The following C11orf65 variants were observed in gnomAD, a reference collection of about 807,000 sequenced individuals.
C11orf65 encodes chromosome 11 open reading frame 65.
C11orf65 carries 38 observed loss-of-function variants against 35.3 expected under a neutral mutation model. The ratio of observed to expected loss-of-function variants is 1.08; its 90% confidence interval spans 0.83 to 1.41. C11orf65 has a LOEUF of 1.41. Ranked by LOEUF, C11orf65 falls within the 40% of genes most tolerant of loss-of-function variation. C11orf65 has a pLI of 0.00. For missense variants in C11orf65, 370 were observed against 367.1 expected (o/e 1.01, Z -0.06); for synonymous variants, 105 against 114.4 (o/e 0.92, Z 0.53).
At chr11:108,401,065 C>T (rs562034777) in intron 6 of C11orf65, among the ~76,000 whole-genome samples, 1 of 151,724 alleles carries the variant, frequency 6.6e-6, no homozygotes, top group Admixed American at 6.6e-5. Flanking sequence ...GCCGAGATTG[C>T]GCCACTGCAC....
intron 2 of C11orf65, among the ~76,000 whole-genome samples, chr11:108,359,408 A>G (rs2137581171): frequency 6.6e-6 from 1 of 152,272 alleles, no homozygotes; most frequent in East Asian, 1.9e-4. Flanking sequence ...GTCAACAAGG[A>G]TACCCAGGAA....
intron 1 of C11orf65, among the ~76,000 whole-genome samples, chr11:108,466,861 G>A (rs1320809893): frequency 6.6e-6 from 1 of 152,146 alleles, no homozygotes; most frequent in Non-Finnish European, 1.5e-5. Context: ...ACCTGTATAC[G>A]TCCTATTTTG....
intron 3 of C11orf65, among the ~76,000 whole-genome samples, chr11:108,413,523 C>A (rs908228877): frequency 6.6e-6 from 1 of 152,198 alleles, no homozygotes; most frequent in Non-Finnish European, 1.5e-5. Flanking sequence ...TTATTTCTTT[C>A]TCTTGCCTGA....
chr11:108,361,993 C>T (rs1362718289), intron 2 of C11orf65, among the ~76,000 whole-genome samples: 1 of 132,596 alleles, frequency 7.5e-6, no homozygotes, highest in African/African-American at 2.8e-5. Context: ...AAAGAAACTA[C>T]CATCAGAGTG....
intron 2 of C11orf65, among the ~76,000 whole-genome samples, chr11:108,457,047 G>A (rs2093418348): frequency 6.6e-6 from 1 of 152,072 alleles, no homozygotes; most frequent in Non-Finnish European, 1.5e-5. Flanking sequence ...AAAGAAAAGG[G>A]TAGGGATACT....
At chr11:108,456,224 T>C (rs1401599936) in intron 2 of C11orf65, among the ~76,000 whole-genome samples, 2 of 152,094 alleles carry the variant, frequency 1.3e-5, no homozygotes, top group Non-Finnish European at 2.9e-5. Flanking sequence ...ACTTTACATA[T>C]ATGATTACAT....
intron 2 of C11orf65, among the ~76,000 whole-genome samples, chr11:108,373,278 G>T (rs1326682132): frequency 6.6e-6 from 1 of 152,114 alleles, no homozygotes; most frequent in African/African-American, 2.4e-5. Flanking sequence ...TGCAGAAAAA[G>T]CTTGTGAGAA....
chr11:108,393,122 C>T (rs1327816414), intron 7 of C11orf65, 86 bp downstream of exon 7: 15 of 1,384,614 alleles, frequency 1.1e-5, no homozygotes, highest in Non-Finnish European at 1.3e-5. Context: ...TGTTTGTGGC[C>T]CCAAGATTCA....
intron 2 of C11orf65, among the ~76,000 whole-genome samples, chr11:108,449,855 C>CA (rs1031217908): frequency 2.0e-5 from 3 of 151,674 alleles, no homozygotes; most frequent in African/African-American, 7.3e-5. Flanking sequence ...AGGCGACCTA[C>CA]AAAATGGGAG....
rs567671890 is a variant in C11orf65, at chr11:108,372,428, A to C, written c.226+20780T>G. The stretch of plus-strand genomic sequence containing the variant: ...AGGCTGGTCTCAAACTCCTGACCTC[A>C]GTGATATGCCCGCCTCAGCACCCCA... On this transcript the variant is annotated intron_variant, in intron 2 of 3. Coordinates refer to the C11orf65 transcript ENST00000524755. Among the ~76,000 whole-genome samples the C allele has an allele frequency of 1.7e-3, 258 of 152,326 alleles. 3 individuals carry two copies. Among genetic ancestry groups the C allele is most frequent in the Non-Finnish European group, 3.1e-3 (212 of 68,022 alleles).
chr11:108,347,458 G>C (rs759606997), intron 2 of C11orf65: 50 of 1,093,324 alleles, frequency 4.6e-5, no homozygotes, highest in Non-Finnish European at 5.3e-5. Flanking sequence ...AAATATAAGA[G>C]ACAGATAAAT....
chr11:108,404,963 C>T (rs377282001), intron 6 of C11orf65, among the ~76,000 whole-genome samples: 9 of 152,084 alleles, frequency 5.9e-5, no homozygotes, highest in African/African-American at 1.2e-4. Context: ...CAGACCGGGC[C>T]GAAGGCGGCC....
chr11:108,347,213 T>G, intron 2 of C11orf65: 1 of 1,226,840 alleles, frequency 8.2e-7, no homozygotes, highest in Non-Finnish European at 1.2e-6. Context: ...TTAATTGAAA[T>G]TATGGCTATA....
At chr11:108,375,194 C>A (rs2091689291) in intron 2 of C11orf65, among the ~76,000 whole-genome samples, 1 of 151,454 alleles carries the variant, frequency 6.6e-6, no homozygotes, top group African/African-American at 2.4e-5. Flanking sequence ...GTCAGATTCA[C>A]CAAAGTTGAA....
chr11:108,443,123 G>T (rs780875934), intron 2 of C11orf65, among the ~76,000 whole-genome samples: 9 of 152,090 alleles, frequency 5.9e-5, no homozygotes, highest in Admixed American at 2.0e-4. Flanking sequence ...GATGGAGGAA[G>T]ATCTAACAAG....
chr11:108,352,577 C>A (rs1178337640), intron 2 of C11orf65, among the ~76,000 whole-genome samples: 1 of 152,148 alleles, frequency 6.6e-6, no homozygotes, highest in Non-Finnish European at 1.5e-5. Flanking sequence ...AACTTAACAA[C>A]AAAATCTACT....
chr11:108,339,101 G>A lies in C11orf65; in HGVS notation c.227-3809C>T, dbSNP rs548821892. Among the ~76,000 whole-genome samples the A allele has an allele frequency of 2.0e-5, 3 of 152,280 alleles. No homozygotes were observed. The South Asian group carries it at 6.2e-4, about 32-fold the overall frequency. ...TTGTCAGAGAGAATCAGATGGAAAT[G>A]AAGACAGTTCTTATTGTGTATGTTG... On this transcript the variant is annotated intron_variant, in intron 2 of 3. Transcript: ENST00000524755.
downstream of C11orf65, chr11:108,330,547 T>C: frequency 1.1e-6 from 1 of 925,194 alleles, no homozygotes; most frequent in South Asian, 1.4e-5. Flanking sequence ...TACACATAAG[T>C]AGCATTTTGT....
chr11:108,412,100 A>C lies in C11orf65; in HGVS notation c.175-4951T>G, dbSNP rs113571877. Among the ~76,000 whole-genome samples the C allele has an allele frequency of 4.6e-5, 7 of 152,216 alleles. 1 individual carries two copies. The highest frequency in any genetic ancestry group is 1.7e-4 in the African/African-American group (7 of 41,556). Reference sequence around the variant, plus strand: ...TGACTTTCTTTTAATTAAAGTTTGCATGATGTATATTTTTCCATTGTCTTA... The same window carrying C: ...TGACTTTCTTTTAATTAAAGTTTGCCTGATGTATATTTTTCCATTGTCTTA... On this transcript the variant is annotated intron_variant, in intron 3 of 8. Transcript: ENST00000393084.
Sources: allele counts gnomAD v4.1 joint callset (sites outside exome capture counted in the v4.1 genomes callset), GRCh38; gene constraint gnomAD v4.1.1; transcripts MANE v1.5; gene names NCBI Gene and HGNC (gene_info 2026-07-23, HGNC 2026-07-21).